Variants in TRAPPC6B observed in about 807,000 individuals in gnomAD.
The protein encoded by TRAPPC6B is TRAPP complex subunit 6B.
TRAPPC6B carries 27 observed loss-of-function variants against 24.7 expected under a neutral mutation model. The observed-to-expected ratio is 1.09, with a 90% CI of 0.81 to 1.51. The LOEUF (loss-of-function observed/expected upper bound fraction) is 1.51. TRAPPC6B is among the 40% of genes most tolerant of loss of function. The pLI is 0.00. For synonymous variants in TRAPPC6B, 80 were observed against 66.6 expected (o/e 1.20, Z -0.98); for missense variants, 212 against 190.8 (o/e 1.11, Z -0.66).
Position 39,148,426 on chromosome 14 carries a change from C to T in TRAPPC6B, c.*1924G>A. ...CACCCTATTCTATAGCACAAGGCAG[C>T]CATACAGAGTTTTAGGCCAAAAAAA... On this transcript the variant is annotated 3_prime_UTR_variant, in exon 6 of 6. Transcript: ENST00000330149. 2.8e-6 allele frequency: 1 copy of T among 353,106 alleles called. No individual in the cohort carries two copies. 21.9% of individuals were successfully genotyped at this position (353,106 alleles called of 1,614,324 possible).
At chr14:39,165,340 G>C (rs2053097704) in intron 1 of TRAPPC6B, among the ~76,000 whole-genome samples, 1 of 152,124 alleles carries the variant, frequency 6.6e-6, no homozygotes, top group East Asian at 1.9e-4. Flanking sequence ...CACCGCGCCT[G>C]GCATTCACAT....
At chr14:39,155,118 G>A (rs554574863) in intron 3 of TRAPPC6B, among the ~76,000 whole-genome samples, 5 of 151,722 alleles carry the variant, frequency 3.3e-5, no homozygotes, top group African/African-American at 1.2e-4. Flanking sequence ...TTTGTAGAAA[G>A]GGGGTCTCCC....
intron 1 of TRAPPC6B, among the ~76,000 whole-genome samples, chr14:39,166,915 G>A (rs1024630940): frequency 1.3e-5 from 2 of 152,120 alleles, no homozygotes; most frequent in African/African-American, 4.8e-5. Context: ...TGTTTGGGGA[G>A]GCTGATTTGA....
At chr14:39,163,674 T>C (rs1594543242) in intron 1 of TRAPPC6B, among the ~76,000 whole-genome samples, 2 of 151,064 alleles carry the variant, frequency 1.3e-5, no homozygotes, top group Middle Eastern at 6.8e-3. Flanking sequence ...TTGTATATTC[T>C]GAAGGCTGTT....
intron 3 of TRAPPC6B, chr14:39,157,413 T>A: frequency 3.0e-6 from 1 of 329,034 alleles, no homozygotes; most frequent in Non-Finnish European, 5.8e-6. Context: ...TGGCCCGGGC[T>A]GAAAAGAAAG....
chr14:39,168,346 G>C (rs767457224), intron 1 of TRAPPC6B, among the ~76,000 whole-genome samples: 12 of 152,088 alleles, frequency 7.9e-5, no homozygotes, highest in Non-Finnish European at 1.2e-4. Flanking sequence ...TGTGTTAACT[G>C]TTCTAGAGGG....
At position 39,149,004 on chromosome 14, in the gene TRAPPC6B, C is replaced by G. The variant is rs1349512426; in HGVS notation, c.*1346G>C. The G allele has an allele frequency of 8.4e-6, 3 of 359,142 alleles. No homozygotes were observed. Among genetic ancestry groups the G allele is most frequent in the African/African-American group, 6.3e-5 (3 of 47,856 alleles). The allele number at this position is 359,142 out of a possible 1,614,324, so 22.2% of individuals were successfully genotyped here. A position where few individuals can be genotyped will look rare whatever the true frequency, so the allele number is the denominator to read the frequency against. On this transcript the variant is annotated 3_prime_UTR_variant, in exon 6 of 6. Coordinates refer to ENST00000330149, the MANE Select transcript of TRAPPC6B (RefSeq NM_001079537.2). The stretch of plus-strand genomic sequence containing the variant: ...ACATAAAGAAGGTACAGTAAAAATA[C>G]AGTATTGTAATCTTATGGAACCACT...
chr14:39,163,794 G>A (rs1376373643), intron 1 of TRAPPC6B, among the ~76,000 whole-genome samples: 3 of 150,898 alleles, frequency 2.0e-5, no homozygotes, highest in Non-Finnish European at 2.9e-5. Flanking sequence ...TTCTAGTACA[G>A]ACTTTATTGG....
intron 1 of TRAPPC6B, among the ~76,000 whole-genome samples, chr14:39,161,027 C>T (rs1024832450): frequency 1.3e-5 from 2 of 152,222 alleles, no homozygotes; most frequent in African/African-American, 4.8e-5. Context: ...AATGACAAGA[C>T]TCCCCACCAT....
At chr14:39,166,602 A>T (rs2053111152) in intron 1 of TRAPPC6B, among the ~76,000 whole-genome samples, 1 of 152,150 alleles carries the variant, frequency 6.6e-6, no homozygotes, top group Non-Finnish European at 1.5e-5. Context: ...CTAATGAAAG[A>T]CTATAAGGTT....
chr14:39,166,731 A>T (rs187869516), intron 1 of TRAPPC6B, among the ~76,000 whole-genome samples: 2 of 152,232 alleles, frequency 1.3e-5, no homozygotes, highest in Admixed American at 6.5e-5. Flanking sequence ...TAATATCACT[A>T]TTGTAGAACC....
At chr14:39,154,073 A>G in intron 4 of TRAPPC6B, 138 bp downstream of exon 4, 1 of 578,540 alleles carries the variant, frequency 1.7e-6, no homozygotes, top group South Asian at 2.3e-5. Flanking sequence ...CATGTCTCTC[A>G]TTTCATAGAA....
chr14:39,165,291 C>T (rs566845667), intron 1 of TRAPPC6B, among the ~76,000 whole-genome samples: 1 of 152,206 alleles, frequency 6.6e-6, no homozygotes, highest in South Asian at 2.1e-4. Context: ...GTGATCCGCC[C>T]GCCTCGGCCT....
rs1348864300 is a variant in TRAPPC6B at position 39,147,850 on chromosome 14, A to C, written c.*2500T>G. The stretch of plus-strand genomic sequence containing the variant: ...TTAGTACTTTATTGTTTTACAAGTG[A>C]ACCTTTAAGTTTCTCCCCACCTACT... On this transcript the variant is annotated 3_prime_UTR_variant, in exon 6 of 6. Coordinates refer to ENST00000330149, the MANE Select transcript of TRAPPC6B (RefSeq NM_001079537.2). 1 of 152,202 alleles carries C rather than the reference A, an allele frequency of 6.6e-6. No homozygotes were observed. Among genetic ancestry groups the C allele is most frequent in the African/African-American group, 2.4e-5 (1 of 41,454 alleles). The allele number at this position is 152,202 out of a possible 1,614,324, so 9.4% of individuals were successfully genotyped here.
At chr14:39,166,290 G>C (rs573963750) in intron 1 of TRAPPC6B, among the ~76,000 whole-genome samples, 24 of 151,230 alleles carry the variant, frequency 1.6e-4, no homozygotes, top group African/African-American at 5.8e-4. Flanking sequence ...AGTTCAGCTA[G>C]AATAAGTGTC....
chr14:39,154,000 C>T (rs547729141), intron 4 of TRAPPC6B, among the ~76,000 whole-genome samples: 29 of 152,242 alleles, frequency 1.9e-4, no homozygotes, highest in South Asian at 1.2e-3. Context: ...CCATAGCGCC[C>T]GGCCAGTGTT....
rs2052887878 is a variant in TRAPPC6B, at chr14:39,149,185, A to T, written c.*1165T>A. ...ACTTGAGTTTTCTTTAATGTCCTAA[A>T]GTACATTTTTATAGTTTTTATTTTG... On this transcript the variant is annotated 3_prime_UTR_variant, in exon 6 of 6. Transcript: ENST00000330149. 6.4e-6 allele frequency: 1 copy of T among 156,060 alleles called. No homozygotes were observed. The highest frequency in any genetic ancestry group is 6.5e-5 in the Admixed American group (1 of 15,362). The allele number at this position is 156,060 out of a possible 1,614,324, so 9.7% of individuals were successfully genotyped here.
chr14:39,170,240 A>C lies in TRAPPC6B; in HGVS notation c.-145T>G. The C allele has an allele frequency of 2.9e-6, 2 of 687,036 alleles. No individual in the cohort carries two copies. Among genetic ancestry groups the C allele is most frequent in the Non-Finnish European group, 5.0e-6 (2 of 402,236 alleles). The allele number at this position is 687,036 out of a possible 1,614,324, so 42.6% of individuals were successfully genotyped here. ...CTGTGGCTAAGAGACCGAGGTATTCACACGACTTCCCAAAGGCTGGTACTG... is the reference window on the plus strand; with the variant it reads ...CTGTGGCTAAGAGACCGAGGTATTCCCACGACTTCCCAAAGGCTGGTACTG... On this transcript the variant is annotated 5_prime_UTR_variant, in exon 1 of 6. Transcript: ENST00000330149.
intron 1 of TRAPPC6B, among the ~76,000 whole-genome samples, chr14:39,161,661 G>A (rs1412365995): frequency 6.6e-6 from 1 of 152,174 alleles, no homozygotes; most frequent in Non-Finnish European, 1.5e-5. Context: ...GGGCATGAGA[G>A]CCAACTCTCT....
Sources: gnomAD v4.1 joint callset for allele counts (sites outside exome capture counted in the v4.1 genomes callset) on GRCh38, gnomAD v4.1.1 for gene constraint, MANE v1.5 for transcripts, NCBI Gene and HGNC (gene_info 2026-07-23, HGNC 2026-07-21) for gene names.